SPOCK1: variants seen among roughly 807,000 people sequenced by gnomAD.
The protein encoded by SPOCK1 is SPARC (osteonectin), cwcv and kazal like domains proteoglycan 1, also known as testican-1.
In SPOCK1, 23 loss-of-function variants were observed where a neutral mutation model predicts 55.3. That is an observed-to-expected ratio of 0.42 (90% CI 0.30 to 0.59). The LOEUF (loss-of-function observed/expected upper bound fraction) is 0.59. Ranked by LOEUF, SPOCK1 falls within the 20% of genes least tolerant of loss-of-function variation. The probability of loss-of-function intolerance (pLI) is 0.22; values close to 1 mark genes in which losing one functional copy is unlikely to be tolerated. For synonymous variants in SPOCK1, 226 were observed against 221.0 expected, an observed-to-expected ratio of 1.02 and a Z score of -0.20; for missense variants, 499 against 552.5, an observed-to-expected ratio of 0.90 and a Z score of 0.97.
rs114762200 is a variant in SPOCK1 at position 137,280,852 on chromosome 5, G to A, written c.187-13797C>T. 3.4e-3 allele frequency among the ~76,000 whole-genome samples: 518 copies of A among 152,172 alleles called. 3 individuals are homozygous for A. Among genetic ancestry groups the A allele is most frequent in the African/African-American group, 0.011 (473 of 41,520 alleles). On this transcript the variant is annotated intron_variant, in intron 2 of 10. Transcript: ENST00000394945. ...TCATCCACCTTGTAAACACAGCCCCGGTGCACCAATCCCCTCCTCCCAGCG... is the reference window on the plus strand; with the variant it reads ...TCATCCACCTTGTAAACACAGCCCCAGTGCACCAATCCCCTCCTCCCAGCG...
At chr5:136,994,769 T>C (rs1237685227) in intron 6 of SPOCK1, among the ~76,000 whole-genome samples, 1 of 151,724 alleles carries the variant, frequency 6.6e-6, no homozygotes, top group African/African-American at 2.4e-5. Flanking sequence ...TCCCAGCACT[T>C]TGAGAGGCAG....
In SPOCK1 at chr5:137,112,443, T is replaced by C; in HGVS notation, c.466A>G (p.Thr156Ala). 5.0e-6 allele frequency: 8 copies of C among 1,613,382 alleles called. No individual in the cohort carries two copies. Among genetic ancestry groups the C allele is most frequent in the Non-Finnish European group, 5.9e-6 (7 of 1,179,842 alleles). ...MVCGSDGHSY[T>A]SKCKLEFHAC... is the part of the protein sequence containing the mutation. Reference sequence around the variant, plus strand: ...AAGACAAGAAAACCAACCTTGGATGTGTAGGAGTGGCCATCTGAGCCGCAG... The same window carrying C: ...AAGACAAGAAAACCAACCTTGGATGCGTAGGAGTGGCCATCTGAGCCGCAG... The change falls in exon 5 of 11, where the codon ACA (threonine) becomes GCA (alanine). Residue 156 changes from threonine (T) to alanine (A), a missense_variant. Transcript: ENST00000394945.
rs1489282203 is a variant in SPOCK1, at chr5:136,976,635, C to G, written c.*2019G>C. ...TAGTAATTTTATTGCAATTAAGCAC[C>G]TGTTTTCTAAATTATCTCAGTTTTG... On this transcript the variant is annotated 3_prime_UTR_variant, in exon 11 of 11. Coordinates refer to ENST00000394945, the MANE Select transcript of SPOCK1 (RefSeq NM_004598.4). 2.0e-5 allele frequency: 3 copies of G among 152,464 alleles called. No homozygotes were observed. The highest frequency in any genetic ancestry group is 7.3e-5 in the African/African-American group (3 of 41,378). The allele number at this position is 152,464 out of a possible 1,614,324, so 9.4% of individuals were successfully genotyped here.
intron 5 of SPOCK1, among the ~76,000 whole-genome samples, chr5:137,102,775 C>CA (rs1263113180): frequency 3.3e-5 from 5 of 152,050 alleles, no homozygotes; most frequent in African/African-American, 1.2e-4. Flanking sequence ...TTAGGACTGA[C>CA]AATAGTACCT....
chr5:137,422,685 A>G (rs956993832), intron 2 of SPOCK1, among the ~76,000 whole-genome samples: 1 of 151,712 alleles, frequency 6.6e-6, no homozygotes, highest in African/African-American at 2.4e-5. Flanking sequence ...TAGCCATTCG[A>G]CTAATTTTTT....
At chr5:137,267,200 T>C in intron 2 of SPOCK1, 145 bp from the exon 3 acceptor site, 1 of 641,604 alleles carries the variant, frequency 1.6e-6, no homozygotes. Flanking sequence ...CAGGCATTAA[T>C]GTGTAATAAA....
At chr5:137,013,665 T>C (rs1751396103) in intron 6 of SPOCK1, among the ~76,000 whole-genome samples, 1 of 152,200 alleles carries the variant, frequency 6.6e-6, no homozygotes, top group South Asian at 2.1e-4. Flanking sequence ...AATGAATTTT[T>C]CCTCTCTGCA....
At chr5:137,454,153 GTC>G (rs1196316812) in intron 2 of SPOCK1, among the ~76,000 whole-genome samples, 1 of 152,114 alleles carries the variant, frequency 6.6e-6, no homozygotes, top group Non-Finnish European at 1.5e-5. Flanking sequence ...TAGAATTGTT[GTC>G]TCTGTTAGTG....
At chr5:137,154,427 AC>A (rs2127046372) in intron 3 of SPOCK1, among the ~76,000 whole-genome samples, 1 of 152,338 alleles carries the variant, frequency 6.6e-6, no homozygotes, top group African/African-American at 2.4e-5. Flanking sequence ...CTGCTGAGGA[AC>A]AGTGCAATCC....
chr5:137,245,105 C>T (rs1756370127), intron 3 of SPOCK1, among the ~76,000 whole-genome samples: 1 of 152,178 alleles, frequency 6.6e-6, no homozygotes, highest in South Asian at 2.1e-4. Context: ...CACCCCTATC[C>T]TCCGCAAAAT....
intron 2 of SPOCK1, among the ~76,000 whole-genome samples, chr5:137,334,216 A>C (rs1432752485): frequency 6.6e-6 from 1 of 152,202 alleles, no homozygotes; most frequent in Non-Finnish European, 1.5e-5. Context: ...ACTCCAGCTG[A>C]CAAAGTGTAT....
rs377478979 is a variant in SPOCK1, at chr5:137,341,686, A to G, written c.187-74631T>C. Reference sequence around the variant, plus strand: ...AGACCCTCAGGCTATACCCCTGAATAGGACAGATACAGCCCTGGCCCTCTT... The same window carrying G: ...AGACCCTCAGGCTATACCCCTGAATGGGACAGATACAGCCCTGGCCCTCTT... On this transcript the variant is annotated intron_variant, in intron 2 of 10. Coordinates refer to ENST00000394945, the MANE Select transcript of SPOCK1 (RefSeq NM_004598.4). Among the ~76,000 whole-genome samples, 8 of 152,300 alleles carry G rather than the reference A, an allele frequency of 5.3e-5. No homozygotes were observed. The Middle Eastern group carries it at 0.017, about 324-fold the overall frequency.
chr5:137,441,308 A>AG (rs1231223078), intron 2 of SPOCK1, among the ~76,000 whole-genome samples: 1 of 152,230 alleles, frequency 6.6e-6, no homozygotes, highest in African/African-American at 2.4e-5. Context: ...TATGAGGCAG[A>AG]GGGCCACTGC....
intron 2 of SPOCK1, among the ~76,000 whole-genome samples, chr5:137,354,118 C>T (rs1201284518): frequency 6.6e-6 from 1 of 152,150 alleles, no homozygotes; most frequent in Non-Finnish European, 1.5e-5. Flanking sequence ...CACTTACTAC[C>T]GCTATCCCCA....
intron 2 of SPOCK1, among the ~76,000 whole-genome samples, chr5:137,466,478 C>T (rs1192684775): frequency 4.6e-5 from 7 of 152,184 alleles, no homozygotes; most frequent in African/African-American, 1.7e-4. Flanking sequence ...GAGCCCTGGT[C>T]TTTAGGTGAG....
rs565719364 is a variant in SPOCK1 at position 137,379,562 on chromosome 5, C to G, written c.187-112507G>C. ...CCCACCACCACCACTCCTAAACACC[C>G]TGCAAATGCTCCTGAGCAACATCCA... On this transcript the variant is annotated intron_variant, in intron 2 of 10. Transcript: ENST00000394945. Among the ~76,000 whole-genome samples the G allele has an allele frequency of 3.8e-3, 516 of 134,514 alleles. 2 individuals are homozygous for G. Among genetic ancestry groups the G allele is most frequent in the African/African-American group, 0.014 (494 of 36,068 alleles). 88.2% of individuals were successfully genotyped at this position (134,514 alleles called of 152,430 possible). A position where few individuals can be genotyped will look rare whatever the true frequency, so the allele number is the denominator to read the frequency against.
chr5:137,314,122 C>T (rs941894184), intron 2 of SPOCK1, among the ~76,000 whole-genome samples: 4 of 151,706 alleles, frequency 2.6e-5, no homozygotes, highest in African/African-American at 9.7e-5. Context: ...TCCCAGTTAA[C>T]CCTCCATTTC....
At chr5:137,190,768 G>A (rs1755165455) in intron 3 of SPOCK1, among the ~76,000 whole-genome samples, 1 of 152,144 alleles carries the variant, frequency 6.6e-6, no homozygotes. Flanking sequence ...AGGAAAGCTT[G>A]ACAAACCACT....
intron 2 of SPOCK1, among the ~76,000 whole-genome samples, chr5:137,296,437 A>G (rs1432962517): frequency 6.6e-6 from 1 of 152,206 alleles, no homozygotes; most frequent in Admixed American, 6.5e-5. Context: ...CTGGGCGTCC[A>G]AGTAATGGAG....
Sources: gnomAD v4.1 joint callset for allele counts (sites outside exome capture counted in the v4.1 genomes callset) on GRCh38, gnomAD v4.1.1 for gene constraint, MANE v1.5 for transcripts, NCBI Gene and HGNC (gene_info 2026-07-23, HGNC 2026-07-21) for gene names.